SLC5A3: variants seen among roughly 807,000 people sequenced by gnomAD.
SLC5A3 encodes the protein sodium/myo-inositol cotransporter.
In SLC5A3, 10 loss-of-function variants were observed where a neutral mutation model predicts 43.2. The observed-to-expected ratio is 0.23, with a 90% CI of 0.14 to 0.39. The LOEUF is 0.39. SLC5A3 is among the 10% of genes least tolerant of loss of function. SLC5A3 has a pLI of 1.00. For missense variants in SLC5A3, 608 were observed against 893.4 expected, an observed-to-expected ratio of 0.68 and a Z score of 4.07; for synonymous variants, 349 against 322.0, an observed-to-expected ratio of 1.08 and a Z score of -0.90.
At position 34,096,970 on chromosome 21, in the gene SLC5A3, C is replaced by G. The variant is rs1159859757; in HGVS notation, c.1772C>G (p.Ser591Cys). 6.2e-6 allele frequency: 10 copies of G among 1,614,000 alleles called. No homozygotes were observed. In the East Asian group the frequency reaches 2.0e-4, roughly 32 times the overall value. ...TINHIIPNGK[S>C]EDSIKGLQPE... ...AACCACATCATTCCCAACGGGAAATCTGAAGACAGCATTAAGGGCCTTCAG... is the reference window on the plus strand; with the variant it reads ...AACCACATCATTCCCAACGGGAAATGTGAAGACAGCATTAAGGGCCTTCAG... Residue 591 changes from serine to cysteine, a missense_variant, in exon 2 of 2, where the codon TCT (serine) becomes TGT (cysteine). Ser to Cys is a moderately radical substitution (Grantham distance 112). Coordinates refer to ENST00000381151, the MANE Select transcript of SLC5A3 (RefSeq NM_006933.7). This position sits in a 1 kb window ranked among gnomAD's most constrained non-coding sequence, Gnocchi z 5.9.
chr21:34,097,566 C>G lies in SLC5A3; in HGVS notation c.*211C>G. 1 of 1,334,922 alleles carries G rather than the reference C, an allele frequency of 7.5e-7. No individual in the cohort carries two copies. The highest frequency in any genetic ancestry group is 9.6e-7 in the Non-Finnish European group (1 of 1,037,692). 82.7% of individuals were successfully genotyped at this position (1,334,922 alleles called of 1,614,324 possible). A position where few individuals can be genotyped will look rare whatever the true frequency, so the allele number is the denominator to read the frequency against. On this transcript the variant is annotated 3_prime_UTR_variant, in exon 2 of 2. Transcript: ENST00000381151. ...CTTAAGTGAAGCCAAACCTAACAGACTGAATTGTGCAAATGTGGTTTTAAA... is the reference window on the plus strand; with the variant it reads ...CTTAAGTGAAGCCAAACCTAACAGAGTGAATTGTGCAAATGTGGTTTTAAA...
chr21:34,099,610 T>A lies in SLC5A3; in HGVS notation c.*2255T>A. ...GAATAGGAGGTGTTTGTGATTTTTTTTTTCTCCCTTTATTTAACATTGAGT... is the reference window on the plus strand; with the variant it reads ...GAATAGGAGGTGTTTGTGATTTTTTATTTCTCCCTTTATTTAACATTGAGT... On this transcript the variant is annotated 3_prime_UTR_variant, in exon 2 of 2. Transcript: ENST00000381151. The A allele has an allele frequency of 1.0e-6, 1 of 999,636 alleles. No individual in the cohort carries two copies. Among genetic ancestry groups the A allele is most frequent in the Non-Finnish European group, 1.2e-6 (1 of 829,896 alleles). 61.9% of individuals were successfully genotyped at this position (999,636 alleles called of 1,614,324 possible). A position where few individuals can be genotyped will look rare whatever the true frequency, so the allele number is the denominator to read the frequency against.
At position 34,073,587 on chromosome 21, in the gene SLC5A3, G is replaced by T. The variant is rs544204921; in HGVS notation, c.-495G>T. The stretch of plus-strand genomic sequence containing the variant: ...CGCGCTCTCGGACCGTGCTTTCGCC[G>T]CCTGGGAGCCGTCCGGCGCAGCAGT... On this transcript the variant is annotated 5_prime_UTR_variant, in exon 1 of 2. Coordinates refer to ENST00000381151, the MANE Select transcript of SLC5A3 (RefSeq NM_006933.7). The T allele has an allele frequency of 1.7e-5, 15 of 908,824 alleles. No homozygotes were observed. The East Asian group carries it at 2.2e-4, about 14-fold the overall frequency. 56.3% of individuals were successfully genotyped at this position (908,824 alleles called of 1,614,324 possible).
chr21:34,096,220 G>A lies in SLC5A3; in HGVS notation c.1022G>A (p.Gly341Glu). The A allele has an allele frequency of 6.2e-7, 1 of 1,614,192 alleles. No homozygotes were observed. The highest frequency in any genetic ancestry group is 8.5e-7 in the Non-Finnish European group (1 of 1,180,018). The change falls in exon 2 of 2, where the codon GGA becomes GAA. Residue 341 changes from glycine to glutamate, a missense_variant. Coordinates refer to ENST00000381151, the MANE Select transcript of SLC5A3 (RefSeq NM_006933.7). The surrounding 1 kb of genome is among the most constrained non-coding windows in gnomAD (Gnocchi z 5.9). Reference protein sequence around the residue: ...INPEHCMLVCGSRAGCSNIAY... With the variant: ...INPEHCMLVCESRAGCSNIAY... ...CCAGAGCACTGCATGCTGGTGTGTG[G>A]AAGCAGAGCTGGTTGCTCCAATATT... is the stretch of plus-strand genomic sequence containing the variant.
In SLC5A3 at chr21:34,098,515, G is replaced by T; in HGVS notation, c.*1160G>T. On this transcript the variant is annotated 3_prime_UTR_variant, in exon 2 of 2. Transcript: ENST00000381151. ...ATCTGTACACAGCCTCTACATTTTT[G>T]TTGTAGTGACTTAGAGCATAAGGAT... is the stretch of plus-strand genomic sequence containing the variant. 1.0e-6 allele frequency: 1 copy of T among 999,576 alleles called. No individual in the cohort carries two copies. The highest frequency in any genetic ancestry group is 4.7e-5 in the South Asian group (1 of 21,260). 61.9% of individuals were successfully genotyped at this position (999,576 alleles called of 1,614,324 possible).
At chr21:34,084,923 C>T (rs938429827) in intron 1 of SLC5A3, among the ~76,000 whole-genome samples, 2 of 152,070 alleles carry the variant, frequency 1.3e-5, no homozygotes, top group Non-Finnish European at 2.9e-5. Flanking sequence ...CTTATTTTAT[C>T]TTTTTTTAAT....
chr21:34,103,252 G>C lies in SLC5A3; in HGVS notation c.*5897G>C. 2.0e-6 allele frequency: 2 copies of C among 996,972 alleles called. No individual in the cohort carries two copies. The highest frequency in any genetic ancestry group is 9.4e-5 in the South Asian group (2 of 21,178). 61.8% of individuals were successfully genotyped at this position (996,972 alleles called of 1,614,324 possible). A position where few individuals can be genotyped will look rare whatever the true frequency, so the allele number is the denominator to read the frequency against. On this transcript the variant is annotated 3_prime_UTR_variant, in exon 2 of 2. Transcript: ENST00000381151. ...TGACTCTGCTAGTTTGCACCTTTCC[G>C]TTCTTAACAGAAAATTTGTATTTGT...
At position 34,097,990 on chromosome 21, in the gene SLC5A3, TC is replaced by T. The variant is rs1173551644; in HGVS notation, c.*637del. ...TGTTAGGGAAAAACTTTGTTCCAGT[TC>T]CTTTTTTTTTTTCTTTCTACTTTCA... On this transcript the variant is annotated 3_prime_UTR_variant, in exon 2 of 2. Transcript: ENST00000381151. The T allele has an allele frequency of 2.0e-6, 2 of 997,408 alleles. No individual in the cohort carries two copies. The highest frequency in any genetic ancestry group is 2.4e-6 in the Non-Finnish European group (2 of 828,430). The allele number at this position is 997,408 out of a possible 1,614,324, so 61.8% of individuals were successfully genotyped here. A position where few individuals can be genotyped will look rare whatever the true frequency, so the allele number is the denominator to read the frequency against.
In SLC5A3 at chr21:34,106,033, G is replaced by A; in HGVS notation, c.*8678G>A. The stretch of plus-strand genomic sequence containing the variant: ...AAAAAAGCATATCTGCTAAAGAGCT[G>A]TCAGTTTTCATTACTGACTCTGTAA... On this transcript the variant is annotated 3_prime_UTR_variant, in exon 2 of 2. Transcript: ENST00000381151. 1 of 996,912 alleles carries A rather than the reference G, an allele frequency of 1.0e-6. No homozygotes were observed. The highest frequency in any genetic ancestry group is 1.2e-6 in the Non-Finnish European group (1 of 826,962). 61.8% of individuals were successfully genotyped at this position (996,912 alleles called of 1,614,324 possible). A position where few individuals can be genotyped will look rare whatever the true frequency, so the allele number is the denominator to read the frequency against.
intron 1 of SLC5A3, among the ~76,000 whole-genome samples, chr21:34,075,146 T>A (rs1466386590): frequency 1.3e-5 from 2 of 152,262 alleles, no homozygotes; most frequent in African/African-American, 4.8e-5. Context: ...GGAAGTTGTT[T>A]AAGCCCTCCC....
intron 1 of SLC5A3, among the ~76,000 whole-genome samples, chr21:34,084,402 A>C (rs1437454526): frequency 1.3e-5 from 2 of 152,182 alleles, no homozygotes; most frequent in Non-Finnish European, 2.9e-5. Flanking sequence ...AACAGAAAAA[A>C]AACACAAAGT....
chr21:34,090,068 G>A (rs1250116970), intron 1 of SLC5A3, among the ~76,000 whole-genome samples: 2 of 152,146 alleles, frequency 1.3e-5, no homozygotes, highest in Non-Finnish European at 2.9e-5. Context: ...CATCATGTCA[G>A]TTCTCAAAAA....
intron 1 of SLC5A3, among the ~76,000 whole-genome samples, chr21:34,091,231 G>A (rs73899959): frequency 0.011 from 1,600 of 140,858 alleles, 34 homozygotes; most frequent in African/African-American, 0.041. Flanking sequence ...GTTTGGTCAC[G>A]TTTAAGATTA....
Position 34,104,544 on chromosome 21 carries a change from C to G in SLC5A3, c.*7189C>G, listed in dbSNP as rs556083356. On this transcript the variant is annotated 3_prime_UTR_variant, in exon 2 of 2. Coordinates refer to ENST00000381151, the MANE Select transcript of SLC5A3 (RefSeq NM_006933.7). ...AAAGACTTGGTCAACTCTAATATAT[C>G]TAGAAGGAAGACTATATCTGGTGTA... 6.0e-6 allele frequency: 6 copies of G among 998,474 alleles called. No individual in the cohort carries two copies. The South Asian group carries it at 2.8e-4, about 47-fold the overall frequency. 61.9% of individuals were successfully genotyped at this position (998,474 alleles called of 1,614,324 possible).
At chr21:34,079,751 C>G (rs1299694384) in intron 1 of SLC5A3, among the ~76,000 whole-genome samples, 1 of 151,270 alleles carries the variant, frequency 6.6e-6, no homozygotes, top group Non-Finnish European at 1.5e-5. Context: ...ATGTACAATT[C>G]CATTAACCTT....
intron 1 of SLC5A3, among the ~76,000 whole-genome samples, chr21:34,076,516 A>G (rs901086172): frequency 6.6e-6 from 1 of 152,196 alleles, no homozygotes; most frequent in Non-Finnish European, 1.5e-5. Context: ...TGCAAGTAGA[A>G]GTTGATTATG....
intron 1 of SLC5A3, among the ~76,000 whole-genome samples, chr21:34,092,148 GTA>G (rs1334473513): frequency 6.6e-6 from 1 of 151,312 alleles, no homozygotes; most frequent in Admixed American, 6.6e-5. Flanking sequence ...ATAACATACT[GTA>G]TATTCAGAAC....
At chr21:34,089,373 C>T (rs1174470884) in intron 1 of SLC5A3, among the ~76,000 whole-genome samples, 6 of 151,526 alleles carry the variant, frequency 4.0e-5, no homozygotes, top group Non-Finnish European at 7.4e-5. Flanking sequence ...GAGTTTGCTC[C>T]TATATGTGAT....
chr21:34,092,761 A>G (rs1483828129), intron 1 of SLC5A3, among the ~76,000 whole-genome samples: 1 of 151,880 alleles, frequency 6.6e-6, no homozygotes, highest in Non-Finnish European at 1.5e-5. Context: ...AACCCACCCT[A>G]TTTCCCCCCC....
Sources: allele counts gnomAD v4.1 joint callset (sites outside exome capture counted in the v4.1 genomes callset), GRCh38; gene constraint gnomAD v4.1.1; non-coding constraint Gnocchi (gnomAD v3.1); transcripts MANE v1.5; gene names NCBI Gene and HGNC (gene_info 2026-07-23, HGNC 2026-07-21).